The following CSMD1 variants were observed in gnomAD, a reference collection of about 807,000 sequenced individuals.
The protein encoded by CSMD1 is CUB and sushi domain-containing protein 1.
In CSMD1, 213 loss-of-function variants were observed where a neutral mutation model predicts 417.5. The observed-to-expected ratio is 0.51, with a 90% CI of 0.46 to 0.57. The LOEUF is 0.57. CSMD1 is among the 20% of genes least tolerant of loss of function. The pLI is 0.00. For missense variants in CSMD1, 6,923 were observed against 4,529.7 expected (o/e 1.53, Z -15.17); for synonymous variants, 2,862 against 1,736.8 (o/e 1.65, Z -16.11).
At chr8:3,819,061 A>G (rs1801563946) in intron 5 of CSMD1, among the ~76,000 whole-genome samples, 1 of 152,176 alleles carries the variant, frequency 6.6e-6, no homozygotes, top group East Asian at 1.9e-4. Flanking sequence ...TTGTAGGAAA[A>G]TGGCACAGCT....
At chr8:3,877,378 T>C (rs970749312) in intron 5 of CSMD1, among the ~76,000 whole-genome samples, 10 of 152,186 alleles carry the variant, frequency 6.6e-5, no homozygotes, top group African/African-American at 2.2e-4. Flanking sequence ...CTGCCAGACA[T>C]GGCTGCAGAC....
rs146962118 is a variant in CSMD1 at position 4,961,265 on chromosome 8, T to G, written c.85+33067A>C. On this transcript the variant is annotated intron_variant, in intron 1 of 69. Coordinates refer to ENST00000635120, the MANE Select transcript of CSMD1 (RefSeq NM_033225.6). ...AGTTATATAAAATCCTCAAAATATT[T>G]TATCCCATCAAACGCATCCAAAAAT... 2.0e-5 allele frequency among the ~76,000 whole-genome samples: 3 copies of G among 152,248 alleles called. No individual in the cohort carries two copies. In the East Asian group the frequency reaches 5.8e-4, roughly 29 times the overall value.
chr8:3,377,385 T>C (rs1328468329), intron 18 of CSMD1, among the ~76,000 whole-genome samples: 11 of 152,208 alleles, frequency 7.2e-5, no homozygotes, highest in African/African-American at 2.7e-4. Flanking sequence ...AGTCATGCTA[T>C]TGATTCCTTC....
At chr8:4,458,239 C>G (rs1327896969) in intron 2 of CSMD1, among the ~76,000 whole-genome samples, 1 of 152,050 alleles carries the variant, frequency 6.6e-6, no homozygotes, top group Non-Finnish European at 1.5e-5. Context: ...ATCGGTCACA[C>G]TTAAATGGTT....
At chr8:4,145,953 C>G (rs1804090796) in intron 3 of CSMD1, among the ~76,000 whole-genome samples, 1 of 150,912 alleles carries the variant, frequency 6.6e-6, no homozygotes, top group Non-Finnish European at 1.5e-5. Flanking sequence ...CACGCTGTTT[C>G]TTGTTACCGC....
Position 3,307,703 on chromosome 8 carries a change from C to T in CSMD1, c.3942G>A (p.Lys1314=), listed in dbSNP as rs747667934. The T allele has an allele frequency of 5.3e-5, 85 of 1,613,038 alleles. No individual in the cohort carries two copies. Among genetic ancestry groups the T allele is most frequent in the Non-Finnish European group, 6.7e-5 (79 of 1,179,478 alleles). Residue 1314 remains lysine (K), a synonymous_variant, in exon 25 of 70, where the codon AAG becomes AAA. Transcript: ENST00000635120. ...CAAAATAAAACAAGTACCTAATGGT[C>T]TTTCCTGGGTCTGCCTCTATAATCC... ...CTWIIEADPG[K]TISLHFIVFD...
At chr8:3,595,689 T>A (rs865796458) in intron 8 of CSMD1, among the ~76,000 whole-genome samples, 1 of 152,166 alleles carries the variant, frequency 6.6e-6, no homozygotes, top group African/African-American at 2.4e-5. Flanking sequence ...CAATGAGGTG[T>A]GAATTTTTGT....
At chr8:4,594,669 G>T (rs1419511952) in intron 2 of CSMD1, among the ~76,000 whole-genome samples, 2 of 152,114 alleles carry the variant, frequency 1.3e-5, no homozygotes, top group African/African-American at 4.8e-5. Context: ...TTACTCTGCT[G>T]CCCATGTGTT....
At chr8:3,053,452 TC>T (rs1216297289) in intron 49 of CSMD1, among the ~76,000 whole-genome samples, 1 of 152,060 alleles carries the variant, frequency 6.6e-6, no homozygotes, top group African/African-American at 2.4e-5. Flanking sequence ...CCTCTCCCCT[TC>T]CCCAATTCAT....
intron 3 of CSMD1, among the ~76,000 whole-genome samples, chr8:4,299,280 G>C (rs1420740770): frequency 1.3e-5 from 2 of 152,126 alleles, no homozygotes; most frequent in Non-Finnish European, 2.9e-5. Context: ...ATAAGATAAA[G>C]TTTTTCTTCA....
At chr8:3,159,065 C>G (rs917529405) in intron 38 of CSMD1, among the ~76,000 whole-genome samples, 1 of 152,108 alleles carries the variant, frequency 6.6e-6, no homozygotes, top group Non-Finnish European at 1.5e-5. Flanking sequence ...AGAAGATACT[C>G]CAGGTAATTT....
Position 2,978,740 on chromosome 8 carries a change from A to G in CSMD1, c.8438T>C (p.Phe2813Ser), listed in dbSNP as rs886747770. 1 of 1,613,600 alleles carries G rather than the reference A, an allele frequency of 6.2e-7. No individual in the cohort carries two copies. Among genetic ancestry groups the G allele is most frequent in the Non-Finnish European group, 8.5e-7 (1 of 1,179,752 alleles). ...CATTCCATACTCAAAACTCTCAGGGAAGTTCTGTTGCCCGTGACGAATGGC... is the reference window on the plus strand; with the variant it reads ...CATTCCATACTCAAAACTCTCAGGGGAGTTCTGTTGCCCGTGACGAATGGC... ...ENAIRHGQQN[F>S]PESFEYGMSI... The change falls in exon 55 of 70, where the codon TTC (phenylalanine) becomes TCC (serine). Residue 2813 changes from phenylalanine to serine, a missense_variant. By Grantham distance (155) the Phe-to-Ser change is radical. Transcript: ENST00000635120.
At chr8:4,822,856 A>G (rs1200378303) in intron 1 of CSMD1, among the ~76,000 whole-genome samples, 1 of 152,066 alleles carries the variant, frequency 6.6e-6, no homozygotes, top group African/African-American at 2.4e-5. Context: ...TTTCTCCGTC[A>G]GATTGTCTTT....
At chr8:4,314,156 TA>T (rs1444458373) in intron 3 of CSMD1, among the ~76,000 whole-genome samples, 3 of 152,266 alleles carry the variant, frequency 2.0e-5, no homozygotes, top group Non-Finnish European at 4.4e-5. Flanking sequence ...ATCCGAAGTC[TA>T]AAGGCTTAAA....
intron 2 of CSMD1, among the ~76,000 whole-genome samples, chr8:4,486,180 CATATATATATATATATAT>C (rs559383827): frequency 5.7e-5 from 1 of 17,610 alleles, no homozygotes; most frequent in African/African-American, 2.3e-4. Flanking sequence ...TATATACATA[CATATATATATATATATAT>C]ACATACATAT....
chr8:4,650,184 A>C (rs1803800078), intron 1 of CSMD1, among the ~76,000 whole-genome samples: 2 of 151,752 alleles, frequency 1.3e-5, no homozygotes, highest in South Asian at 4.2e-4. Context: ...TCTCTAATAA[A>C]AATCCAAAAA....
intron 5 of CSMD1, among the ~76,000 whole-genome samples, chr8:3,851,299 A>G (rs1239469579): frequency 1.3e-5 from 2 of 152,186 alleles, no homozygotes; most frequent in Non-Finnish European, 2.9e-5. Flanking sequence ...GTCTTTTCAT[A>G]TTGACATTAC....
intron 14 of CSMD1, among the ~76,000 whole-genome samples, chr8:3,406,961 T>C (rs60783807): frequency 0.019 from 2,840 of 152,264 alleles, 91 homozygotes; most frequent in African/African-American, 0.066. Context: ...CTACACTACT[T>C]TGTTGCAAGA....
At chr8:4,854,141 T>C (rs150864410) in intron 1 of CSMD1, among the ~76,000 whole-genome samples, 117 of 152,260 alleles carry the variant, frequency 7.7e-4, no homozygotes, top group Non-Finnish European at 1.4e-3. Flanking sequence ...GTTAAGATTT[T>C]GGGGGCTATT....
Sources: gnomAD v4.1 joint callset for allele counts (sites outside exome capture counted in the v4.1 genomes callset) on GRCh38, gnomAD v4.1.1 for gene constraint, MANE v1.5 for transcripts, NCBI Gene and HGNC (gene_info 2026-07-23, HGNC 2026-07-21) for gene names.